The following MTUS1 variants were observed in gnomAD, a reference collection of about 807,000 sequenced individuals.
The protein encoded by MTUS1 is microtubule-associated tumor suppressor 1.
In MTUS1, 109 loss-of-function variants were observed where a neutral mutation model predicts 120.8. The ratio of observed to expected loss-of-function variants is 0.90; its 90% CI spans 0.77 to 1.06. MTUS1 has a LOEUF of 1.06. Ranked by LOEUF, MTUS1 falls within the 50% of genes least tolerant of loss-of-function variation. The probability of loss-of-function intolerance (pLI) is 0.00; values close to 1 mark genes in which losing one functional copy is unlikely to be tolerated. For synonymous variants in MTUS1, 737 were observed against 550.5 expected, an observed-to-expected ratio of 1.34 and a Z score of -4.74; for missense variants, 2,210 against 1,486.3, an observed-to-expected ratio of 1.49 and a Z score of -8.01.
chr8:17,757,947 T>C (rs7462737), intron 1 of MTUS1, among the ~76,000 whole-genome samples: 120,906 of 152,132 alleles, frequency 0.79, 48,291 homozygotes, highest in South Asian at 0.87. Context: ...ATGAGGGCTG[T>C]GTGATTTATA....
At chr8:17,671,808 C>T (rs1399956044) in intron 8 of MTUS1, among the ~76,000 whole-genome samples, 1 of 152,114 alleles carries the variant, frequency 6.6e-6, no homozygotes, top group Non-Finnish European at 1.5e-5. Flanking sequence ...CATCGCCCCA[C>T]CCCCATTATT....
At chr8:17,678,721 GTGC>G (rs1273279952) in intron 7 of MTUS1, among the ~76,000 whole-genome samples, 1 of 148,822 alleles carries the variant, frequency 6.7e-6, no homozygotes, top group Non-Finnish European at 1.5e-5. Context: ...CTTTGTTCAG[GTGC>G]TACTTTAGGT....
At chr8:17,658,350 C>T (rs1213745078) in intron 8 of MTUS1, among the ~76,000 whole-genome samples, 1 of 152,136 alleles carries the variant, frequency 6.6e-6, no homozygotes, top group African/African-American at 2.4e-5. Context: ...AAAATCAGAA[C>T]ATCTTAGCTC....
chr8:17,725,658 G>A (rs2046181183), intron 3 of MTUS1, among the ~76,000 whole-genome samples: 1 of 152,082 alleles, frequency 6.6e-6, no homozygotes, highest in Admixed American at 6.6e-5. Context: ...GAAAATTAAG[G>A]TCATGACCCA....
At chr8:17,710,007 A>C (rs77509155) in intron 6 of MTUS1, among the ~76,000 whole-genome samples, 3 of 37,660 alleles carry the variant, frequency 8.0e-5, no homozygotes, top group Non-Finnish European at 2.9e-4. Context: ...ACTCTGTCTC[A>C]AAAAAAAAAA....
chr8:17,760,341 T>C (rs1159993644), intron 1 of MTUS1, among the ~76,000 whole-genome samples: 1 of 152,234 alleles, frequency 6.6e-6, no homozygotes, highest in East Asian at 1.9e-4. Flanking sequence ...CTGACATCTC[T>C]TCTACTTTGT....
chr8:17,754,475 T>A lies in MTUS1; in HGVS notation c.1333A>T (p.Ile445Phe), dbSNP rs1307517186. 2 of 1,614,204 alleles carry A rather than the reference T, an allele frequency of 1.2e-6. No homozygotes were observed. Among genetic ancestry groups the A allele is most frequent in the African/African-American group, 2.7e-5 (2 of 75,046 alleles). Residue 445 changes from isoleucine (I) to phenylalanine (F), a missense_variant, in exon 2 of 15, where the codon ATT becomes TTT. Coordinates refer to ENST00000693296, the MANE Select transcript of MTUS1 (RefSeq NM_001363059.2). ...TTCTTACATTTCTCCGTCGCTTCAA[T>A]CGGTGAAACAGAAAAGGTTACTTTT... ...PTKVTFSVSP[I>F]EATEKCKKVE...
rs770124814 is a variant in MTUS1 at position 17,754,855 on chromosome 8, G to C, written c.953C>G (p.Ser318Cys). The change falls in exon 2 of 15, where the codon TCC (serine) becomes TGC (cysteine). Residue 318 changes from serine to cysteine, a missense_variant. Coordinates refer to ENST00000693296, the MANE Select transcript of MTUS1 (RefSeq NM_001363059.2). ...GCTCTGTGAATGTGGTTCGCTATTG[G>C]ATTCATCATGGGATAAACAAAAGAA... ...QEFFCLSHDE[S>C]NSEPHSQSSY... 1.9e-5 allele frequency: 31 copies of C among 1,614,098 alleles called. No homozygotes were observed. The highest frequency in any genetic ancestry group is 1.6e-4 in the Middle Eastern group (1 of 6,084).
intron 6 of MTUS1, among the ~76,000 whole-genome samples, chr8:17,704,466 G>C (rs1170867129): frequency 6.6e-6 from 1 of 152,030 alleles, no homozygotes; most frequent in Non-Finnish European, 1.5e-5. Flanking sequence ...TGAGATAAGG[G>C]TCCAATTTCA....
At chr8:17,742,408 C>T (rs373753179) in intron 3 of MTUS1, among the ~76,000 whole-genome samples, 1 of 151,602 alleles carries the variant, frequency 6.6e-6, no homozygotes, top group African/African-American at 2.4e-5. Context: ...AACCACCACA[C>T]CCAGCCAGGA....
intron 3 of MTUS1, among the ~76,000 whole-genome samples, chr8:17,729,741 G>C (rs1041742589): frequency 2.6e-5 from 4 of 151,440 alleles, no homozygotes; most frequent in African/African-American, 9.7e-5. Context: ...AAGTAATCTA[G>C]AATAATTAAG....
At chr8:17,653,751 T>C in intron 10 of MTUS1, 1 of 414,830 alleles carries the variant, frequency 2.4e-6, no homozygotes. Context: ...ACAGAGGCCA[T>C]GCGACCTTAG....
Position 17,753,641 on chromosome 8 carries a change from A to G in MTUS1, c.2091+76T>C, listed in dbSNP as rs572759280. 4.5e-5 allele frequency: 44 copies of G among 981,306 alleles called. 1 individual carries two copies. The South Asian group carries it at 7.1e-4, about 16-fold the overall frequency. 60.8% of individuals were successfully genotyped at this position (981,306 alleles called of 1,614,324 possible). ...GTTCTGCAATATTATTGACTAATAG[A>G]TAACTAAATGCTAACACATCTCAGT... On this transcript the variant is annotated intron_variant, in intron 2 of 14. Coordinates refer to ENST00000693296, the MANE Select transcript of MTUS1 (RefSeq NM_001363059.2).
chr8:17,667,161 T>C (rs1045525116), intron 8 of MTUS1, among the ~76,000 whole-genome samples: 1 of 152,206 alleles, frequency 6.6e-6, no homozygotes, highest in Non-Finnish European at 1.5e-5. Context: ...CTTTTACTTA[T>C]AAATACAGCC....
chr8:17,673,342 T>C (rs974185677), intron 8 of MTUS1, among the ~76,000 whole-genome samples: 1 of 152,204 alleles, frequency 6.6e-6, no homozygotes, highest in East Asian at 1.9e-4. Flanking sequence ...GAGGCCTTCA[T>C]TTCCACAGCC....
chr8:17,667,160 A>G (rs1205156244), intron 8 of MTUS1, among the ~76,000 whole-genome samples: 1 of 152,234 alleles, frequency 6.6e-6, no homozygotes, highest in African/African-American at 2.4e-5. Context: ...CCTTTTACTT[A>G]TAAATACAGC....
In MTUS1 at chr8:17,643,837, A is replaced by G. The variant is rs1324147793; in HGVS notation, c.*2089T>C. 1.3e-5 allele frequency: 2 copies of G among 152,232 alleles called. No homozygotes were observed. The highest frequency in any genetic ancestry group is 2.9e-5 in the Non-Finnish European group (2 of 68,054). The allele number at this position is 152,232 out of a possible 1,614,324, so 9.4% of individuals were successfully genotyped here. The stretch of plus-strand genomic sequence containing the variant: ...CAGCATTATTTATTTGATCAGAGTA[A>G]AATACACTTCCCATCACTACAAACT... On this transcript the variant is annotated 3_prime_UTR_variant, in exon 15 of 15. Transcript: ENST00000693296.
At chr8:17,667,016 A>T (rs1203556652) in intron 8 of MTUS1, among the ~76,000 whole-genome samples, 2 of 152,216 alleles carry the variant, frequency 1.3e-5, no homozygotes, top group Non-Finnish European at 2.9e-5. Flanking sequence ...CTACACAATA[A>T]GGTATTAAAT....
chr8:17,719,944 G>C (rs1350890410), intron 4 of MTUS1, among the ~76,000 whole-genome samples: 1 of 152,168 alleles, frequency 6.6e-6, no homozygotes. Context: ...TTGCTGCAAG[G>C]ACTTTGAAGA....
Sources: gnomAD v4.1 joint callset for allele counts (sites outside exome capture counted in the v4.1 genomes callset) on GRCh38, gnomAD v4.1.1 for gene constraint, MANE v1.5 for transcripts, NCBI Gene and HGNC (gene_info 2026-07-23, HGNC 2026-07-21) for gene names.